Variants in MAP3K3 observed in about 807,000 individuals in gnomAD.
MAP3K3 encodes the protein MAP/ERK kinase kinase 3.
A neutral mutation model predicts 80.9 loss-of-function variants in MAP3K3; 12 were observed. That is an observed-to-expected ratio of 0.15 (90% CI 0.10 to 0.24). The LOEUF is 0.24. MAP3K3 is among the 10% of genes least tolerant of loss of function. The pLI, the probability that MAP3K3 is intolerant of heterozygous loss-of-function variation, is 1.00. For missense variants in MAP3K3, 596 were observed against 834.7 expected (o/e 0.71, Z 3.52); for synonymous variants, 272 against 307.1 (o/e 0.89, Z 1.19).
intron 5 of MAP3K3, among the ~76,000 whole-genome samples, chr17:63,662,244 GAA>G (rs35789105): frequency 6.2e-5 from 5 of 81,130 alleles, no homozygotes; most frequent in Non-Finnish European, 1.0e-4. Context: ...TGTCTCTATT[GAA>G]AAAAAAAAAA....
chr17:63,664,115 C>T (rs1379400363), intron 5 of MAP3K3, among the ~76,000 whole-genome samples: 7 of 151,270 alleles, frequency 4.6e-5, no homozygotes, highest in Admixed American at 1.3e-4. Flanking sequence ...GGCGTGGTAG[C>T]GGGCGCCTGT....
Position 63,689,032 on chromosome 17 carries a change from C to A in MAP3K3, c.871+151C>A. 6.5e-6 allele frequency: 4 copies of A among 617,504 alleles called. No homozygotes were observed. The highest frequency in any genetic ancestry group is 5.5e-5 in the East Asian group (2 of 36,594). 38.3% of individuals were successfully genotyped at this position (617,504 alleles called of 1,614,324 possible). The stretch of plus-strand genomic sequence containing the variant: ...TGAGGCATGGGAGACAGGAAAAAAA[C>A]AAAAACAAAAACAGGGAAGATAGTA... On this transcript the variant is annotated intron_variant, in intron 10 of 15. Coordinates refer to ENST00000361733, the MANE Select transcript of MAP3K3 (RefSeq NM_002401.5). This position sits in a 1 kb window ranked among gnomAD's most constrained non-coding sequence, Gnocchi z 4.3.
chr17:63,686,408 A>G (rs937942959), intron 8 of MAP3K3, among the ~76,000 whole-genome samples: 5 of 152,256 alleles, frequency 3.3e-5, no homozygotes, highest in East Asian at 1.9e-4. Context: ...TTGGTTTCCA[A>G]TGTGTAGCCT....
At chr17:63,656,976 A>G (rs2034784318) in intron 4 of MAP3K3, among the ~76,000 whole-genome samples, 1 of 152,134 alleles carries the variant, frequency 6.6e-6, no homozygotes. Flanking sequence ...GCAAAGGGGG[A>G]AAAGCTCCGT....
intron 6 of MAP3K3, 34 bp from the exon 7 acceptor site, chr17:63,681,732 C>T: frequency 1.4e-6 from 2 of 1,394,768 alleles, no homozygotes; most frequent in Admixed American, 2.7e-5. Flanking sequence ...ACACCCTGGG[C>T]TCTGTTGTTG....
intron 4 of MAP3K3, among the ~76,000 whole-genome samples, chr17:63,656,277 G>A (rs1485297437): frequency 6.6e-6 from 1 of 151,308 alleles, no homozygotes; most frequent in African/African-American, 2.4e-5. Context: ...TAAGTTAATT[G>A]GACTTTTGCT....
rs2035680491 is a variant in MAP3K3 at position 63,695,801 on chromosome 17, A to G, written c.*2024A>G. 6.6e-6 allele frequency: 1 copy of G among 152,558 alleles called. No individual in the cohort carries two copies. Among genetic ancestry groups the G allele is most frequent in the Admixed American group, 6.5e-5 (1 of 15,274 alleles). 9.5% of individuals were successfully genotyped at this position (152,558 alleles called of 1,614,324 possible). A position where few individuals can be genotyped will look rare whatever the true frequency, so the allele number is the denominator to read the frequency against. Reference sequence around the variant, plus strand: ...ATGTGTTTTGAAAATGAATTTGAAGACAAGCCAACAAACCCTGCACTCCAA... The same window carrying G: ...ATGTGTTTTGAAAATGAATTTGAAGGCAAGCCAACAAACCCTGCACTCCAA... On this transcript the variant is annotated 3_prime_UTR_variant, in exon 16 of 16. Coordinates refer to ENST00000361733, the MANE Select transcript of MAP3K3 (RefSeq NM_002401.5). The surrounding 1 kb of genome is among the most constrained non-coding windows in gnomAD (Gnocchi z 4.1).
chr17:63,667,230 CTG>C (rs1355421713), intron 6 of MAP3K3, among the ~76,000 whole-genome samples, 170 bp downstream of exon 6: 1 of 152,094 alleles, frequency 6.6e-6, no homozygotes, highest in African/African-American at 2.4e-5. Context: ...AAAGAAATAA[CTG>C]GGATGGTATC....
At chr17:63,651,907 G>C (rs560422686) in intron 3 of MAP3K3, among the ~76,000 whole-genome samples, 7 of 152,270 alleles carry the variant, frequency 4.6e-5, no homozygotes, top group African/African-American at 1.7e-4. Flanking sequence ...GCATCTCAAA[G>C]ATGAACGATG....
intron 6 of MAP3K3, among the ~76,000 whole-genome samples, chr17:63,680,709 T>G (rs1177945187): frequency 6.6e-6 from 1 of 152,180 alleles, no homozygotes; most frequent in Non-Finnish European, 1.5e-5. Context: ...GATAAACCAT[T>G]TCATCTTACA....
chr17:63,691,818 T>C lies in MAP3K3; in HGVS notation c.1430T>C (p.Met477Thr). ...TACACGCGGCAGATCCTGGAGGGCA[T>C]GTCCTACCTGCACAGCAACATGATT... ...RKYTRQILEG[M>T]SYLHSNMIVH... Residue 477 changes from methionine to threonine, a missense_variant, in exon 14 of 16, where the codon ATG becomes ACG. Coordinates refer to ENST00000361733, the MANE Select transcript of MAP3K3 (RefSeq NM_002401.5). This position sits in a 1 kb window ranked among gnomAD's most constrained non-coding sequence, Gnocchi z 4.8. The C allele has an allele frequency of 1.9e-6, 3 of 1,614,112 alleles. No homozygotes were observed. Among genetic ancestry groups the C allele is most frequent in the Non-Finnish European group, 2.5e-6 (3 of 1,180,002 alleles).
At chr17:63,667,382 G>C (rs2035022276) in intron 6 of MAP3K3, among the ~76,000 whole-genome samples, 1 of 152,186 alleles carries the variant, frequency 6.6e-6, no homozygotes, top group Non-Finnish European at 1.5e-5. Context: ...CCATTCTTGT[G>C]AAGAATAGAG....
chr17:63,685,677 C>A, intron 8 of MAP3K3, 87 bp downstream of exon 8: 1 of 1,076,034 alleles, frequency 9.3e-7, no homozygotes, highest in South Asian at 1.3e-5. Flanking sequence ...TCTGGAGGCC[C>A]AGGGTTAAAA....
At chr17:63,674,211 G>A (rs909253481) in intron 6 of MAP3K3, among the ~76,000 whole-genome samples, 9 of 152,134 alleles carry the variant, frequency 5.9e-5, no homozygotes, top group Non-Finnish European at 1.2e-4. Context: ...CCCATAGTGA[G>A]GCAAGCCATA....
chr17:63,648,504 C>G (rs781543643), intron 3 of MAP3K3, among the ~76,000 whole-genome samples: 84 of 152,188 alleles, frequency 5.5e-4, no homozygotes, highest in Admixed American at 1.4e-3. Context: ...CTGCTTGGGA[C>G]AGTTGATTTG....
chr17:63,664,780 C>A (rs965750772), intron 5 of MAP3K3, among the ~76,000 whole-genome samples: 1 of 152,116 alleles, frequency 6.6e-6, no homozygotes. Context: ...TGTCACTCTG[C>A]GACAGTCCCC....
At chr17:63,633,468 A>G (rs2034259064) in intron 2 of MAP3K3, among the ~76,000 whole-genome samples, 1 of 152,246 alleles carries the variant, frequency 6.6e-6, no homozygotes, top group Non-Finnish European at 1.5e-5. Flanking sequence ...TATGTAAAAT[A>G]TAATTAAGAA....
chr17:63,693,605 A>T lies in MAP3K3; in HGVS notation c.1709A>T (p.Tyr570Phe). 1 of 1,610,436 alleles carries T rather than the reference A, an allele frequency of 6.2e-7. No individual in the cohort carries two copies. The highest frequency in any genetic ancestry group is 8.5e-7 in the Non-Finnish European group (1 of 1,177,742). The part of the protein sequence containing the change: ...MLTEKPPWAE[Y>F]EAMAAIFKIA... ...ACAGAGAAACCACCGTGGGCAGAGTATGAAGCTATGGCCGCCATCTTCAAG... is the reference window on the plus strand; with the variant it reads ...ACAGAGAAACCACCGTGGGCAGAGTTTGAAGCTATGGCCGCCATCTTCAAG... The change falls in exon 16 of 16, where the codon TAT becomes TTT. Residue 570 changes from tyrosine (Y) to phenylalanine (F), a missense_variant. This residue lies in a region of MAP3K3 where 364 missense variants were observed against 588.9 expected (regional missense o/e 0.62). Transcript: ENST00000361733. The surrounding 1 kb of genome is among the most constrained non-coding windows in gnomAD (Gnocchi z 4.2).
intron 3 of MAP3K3, among the ~76,000 whole-genome samples, chr17:63,649,009 T>A (rs995306320): frequency 2.0e-5 from 3 of 152,238 alleles, no homozygotes; most frequent in Non-Finnish European, 2.9e-5. Flanking sequence ...CTATCAATGT[T>A]GCCCTGTAGA....
Sources: gnomAD v4.1 joint callset for allele counts (sites outside exome capture counted in the v4.1 genomes callset) on GRCh38, gnomAD v4.1.1 for gene constraint, gnomAD v4.1.1 regional missense constraint, Gnocchi (gnomAD v3.1) non-coding constraint, MANE v1.5 for transcripts, NCBI Gene and HGNC (gene_info 2026-07-23, HGNC 2026-07-21) for gene names.